The following H2AJ variants were observed in gnomAD, a reference collection of about 807,000 sequenced individuals.
H2AJ encodes the protein histone H2A.J.
H2AJ carries 3 observed loss-of-function variants against 7.9 expected under a neutral mutation model. The observed-to-expected ratio is 0.38, with a 90% CI of 0.17 to 0.98. The LOEUF (loss-of-function observed/expected upper bound fraction) is 0.98, where lower values mean the gene tolerates loss of function less well. Among genes scored for constraint, H2AJ ranks in the 50% least tolerant of loss-of-function variants. H2AJ has a pLI of 0.39. For synonymous variants in H2AJ, 98 were observed against 85.7 expected (o/e 1.14, Z -0.79); for missense variants, 128 against 174.4 (o/e 0.73, Z 1.50).
chr12:14,774,803 C>T lies in H2AJ; in HGVS notation c.333C>T (p.Asn111=). 1 of 1,614,234 alleles carries T rather than the reference C, an allele frequency of 6.2e-7. No homozygotes were observed. The highest frequency in any genetic ancestry group is 8.5e-7 in the Non-Finnish European group (1 of 1,180,036). ...VTIAQGGVLP[N]IQAVLLPKKT... ...TCGCTCAGGGCGGCGTCCTGCCCAACATCCAGGCCGTGCTGCTGCCCAAGA... is the reference window on the plus strand; with the variant it reads ...TCGCTCAGGGCGGCGTCCTGCCCAATATCCAGGCCGTGCTGCTGCCCAAGA... Residue 111 remains asparagine, a synonymous_variant, in exon 1 of 1, where the codon AAC becomes AAT. Transcript: ENST00000544848.
At chr12:14,775,731 CG>C (rs1049967889), downstream of H2AJ, 3 of 232,714 alleles carry the variant, frequency 1.3e-5, no homozygotes, top group African/African-American at 7.0e-5. Context: ...CTTTGAGAAT[CG>C]GTTTGACTTT....
chr12:14,775,079 G>T, downstream of H2AJ: 5 of 605,278 alleles, frequency 8.3e-6, no homozygotes, highest in Non-Finnish European at 1.5e-5. Flanking sequence ...CCCAGGGGAG[G>T]GGGGCGACCG....
rs1356490901 is a variant in H2AJ at position 14,774,920 on chromosome 12, C to T, written c.*60C>T. 3 of 1,558,678 alleles carry T rather than the reference C, an allele frequency of 1.9e-6. No individual in the cohort carries two copies. The highest frequency in any genetic ancestry group is 2.2e-5 in the East Asian group (1 of 44,494). ...GCAAAGGCCCTTTTCATGGTCGTCC[C>T]GCAATGCTTTTGAATGTGCTGGATG... On this transcript the variant is annotated 3_prime_UTR_variant, in exon 1 of 1. Transcript: ENST00000544848.
downstream of H2AJ, chr12:14,775,212 C>A: frequency 2.1e-6 from 1 of 482,570 alleles, no homozygotes. Context: ...GAAGCCACCT[C>A]GCTGTCAGTA....
chr12:14,774,845 G>A lies in H2AJ; in HGVS notation c.375G>A (p.Lys125=), dbSNP rs1005749151. The stretch of plus-strand genomic sequence containing the variant: ...TGCCCAAGAAGACGGAGAGTCAGAA[G>A]ACGAAGAGCAAATGACCCTGACGCC... The part of the protein sequence containing the change: ...VLLPKKTESQ[K]TKSK Residue 125 remains lysine, a synonymous_variant, in exon 1 of 1, where the codon AAG becomes AAA. Coordinates refer to ENST00000544848, the MANE Select transcript of H2AJ (RefSeq NM_177925.5). The A allele has an allele frequency of 5.6e-6, 9 of 1,614,020 alleles. No homozygotes were observed. The highest frequency in any genetic ancestry group is 6.8e-6 in the Non-Finnish European group (8 of 1,179,990).
chr12:14,775,084 C>T, downstream of H2AJ: 1 of 588,862 alleles, frequency 1.7e-6, no homozygotes, highest in South Asian at 2.0e-5. Flanking sequence ...GGGAGGGGGG[C>T]GACCGGGAAA....
chr12:14,774,434 T>C lies in H2AJ; in HGVS notation c.-37T>C. The C allele has an allele frequency of 6.6e-7, 1 of 1,526,570 alleles. No homozygotes were observed. Among genetic ancestry groups the C allele is most frequent in the Non-Finnish European group, 8.8e-7 (1 of 1,138,918 alleles). The allele number at this position is 1,526,570 out of a possible 1,614,324, so 94.6% of individuals were successfully genotyped here. ...TCCGGTACCGGACGCCGAGAGCGGT[T>C]TGTCTCCGTCTCTGGAGTTGTAGGC... On this transcript the variant is annotated 5_prime_UTR_variant, in exon 1 of 1. Coordinates refer to ENST00000544848, the MANE Select transcript of H2AJ (RefSeq NM_177925.5).
downstream of H2AJ, chr12:14,777,406 G>C (rs911990900): frequency 6.0e-6 from 1 of 167,038 alleles, no homozygotes; most frequent in Non-Finnish European, 1.5e-5. Context: ...GCCAGGATTT[G>C]TTTGATCTTT....
chr12:14,777,249 T>C (rs888266384), downstream of H2AJ: 2 of 167,078 alleles, frequency 1.2e-5, no homozygotes, highest in African/African-American at 4.8e-5. Flanking sequence ...TAAGACCATA[T>C]GGAAAAAGGC....
rs749068614 is a variant in H2AJ at position 14,774,725 on chromosome 12, G to A, written c.255G>A (p.Gln85=). Residue 85 remains glutamine, a synonymous_variant, in exon 1 of 1, where the codon CAG becomes CAA. Coordinates refer to ENST00000544848, the MANE Select transcript of H2AJ (RefSeq NM_177925.5). ...KKTRIIPRHL[Q]LAIRNDEELN... The stretch of plus-strand genomic sequence containing the variant: ...CCAGGATAATTCCCCGCCACCTGCA[G>A]CTCGCCATCCGCAACGACGAGGAGT... 20 of 1,614,118 alleles carry A rather than the reference G, an allele frequency of 1.2e-5. No homozygotes were observed. In the Admixed American group the frequency reaches 2.3e-4, roughly 19 times the overall value.
At chr12:14,777,109 C>T (rs1949652135), downstream of H2AJ, 2 of 166,770 alleles carry the variant, frequency 1.2e-5, no homozygotes. Context: ...TTTTTTAACC[C>T]GAATAGTTTA....
downstream of H2AJ, chr12:14,775,285 T>TG (rs1471212884): frequency 6.3e-6 from 3 of 473,120 alleles, no homozygotes; most frequent in African/African-American, 6.0e-5. Context: ...TACTTCCCTT[T>TG]CACAGAGCCT....
At position 14,774,447 on chromosome 12, in the gene H2AJ, T is replaced by G. The variant is rs944584731; in HGVS notation, c.-24T>G. The G allele has an allele frequency of 6.5e-7, 1 of 1,537,168 alleles. No individual in the cohort carries two copies. The highest frequency in any genetic ancestry group is 8.7e-7 in the Non-Finnish European group (1 of 1,144,256). On this transcript the variant is annotated 5_prime_UTR_variant, in exon 1 of 1. Coordinates refer to ENST00000544848, the MANE Select transcript of H2AJ (RefSeq NM_177925.5). Reference sequence around the variant, plus strand: ...GCCGAGAGCGGTTTGTCTCCGTCTCTGGAGTTGTAGGCGAGAGGTGATCAT... The same window carrying G: ...GCCGAGAGCGGTTTGTCTCCGTCTCGGGAGTTGTAGGCGAGAGGTGATCAT...
downstream of H2AJ, chr12:14,775,055 A>C: frequency 1.5e-6 from 1 of 645,440 alleles, no homozygotes; most frequent in Non-Finnish European, 2.6e-6. Flanking sequence ...AGTCGCGGGG[A>C]CATGTCGGAT....
downstream of H2AJ, chr12:14,777,118 T>C (rs1388323497): frequency 1.2e-5 from 2 of 167,068 alleles, no homozygotes; most frequent in Non-Finnish European, 2.9e-5. Context: ...CCGAATAGTT[T>C]ACGGGCTGTT....
chr12:14,774,967 T>A lies in H2AJ; in HGVS notation c.*107T>A. The A allele has an allele frequency of 7.6e-7, 1 of 1,316,392 alleles. No individual in the cohort carries two copies. Among genetic ancestry groups the A allele is most frequent in the Non-Finnish European group, 1.0e-6 (1 of 960,564 alleles). The allele number at this position is 1,316,392 out of a possible 1,614,324, so 81.5% of individuals were successfully genotyped here. On this transcript the variant is annotated 3_prime_UTR_variant, in exon 1 of 1. Transcript: ENST00000544848. ...GATGTCATGGAGGGCCGGTGACATC[T>A]AGCGGGGAGGTGGGCGGCGAGGGTC...
chr12:14,776,952 A>G (rs897208201), downstream of H2AJ: 3 of 167,212 alleles, frequency 1.8e-5, no homozygotes, highest in African/African-American at 7.2e-5. Flanking sequence ...CATGATGAGC[A>G]ACATAGACAA....
chr12:14,774,896 C>T lies in H2AJ; in HGVS notation c.*36C>T. On this transcript the variant is annotated 3_prime_UTR_variant, in exon 1 of 1. Transcript: ENST00000544848. ...GCCCTCAGGGAGCTGGCTCCCCCAG[C>T]AAAGGCCCTTTTCATGGTCGTCCCG... The T allele has an allele frequency of 1.3e-6, 2 of 1,596,502 alleles. No homozygotes were observed. The highest frequency in any genetic ancestry group is 1.7e-6 in the Non-Finnish European group (2 of 1,171,542).
downstream of H2AJ, chr12:14,775,242 T>G (rs1272261035): frequency 6.2e-6 from 3 of 482,698 alleles, no homozygotes; most frequent in Non-Finnish European, 1.3e-5. Context: ...GGAGGCAGAG[T>G]CGGTGCGGTG....
Sources: allele counts gnomAD v4.1 joint callset, GRCh38; gene constraint gnomAD v4.1.1; transcripts MANE v1.5; gene names NCBI Gene and HGNC (gene_info 2026-07-23, HGNC 2026-07-21).